Variants in ADK observed in about 807,000 individuals in gnomAD.
ADK encodes the protein N6,N6-dimethyladenosine kinase.
ADK carries 24 observed loss-of-function variants against 44.7 expected under a neutral mutation model. That is an observed-to-expected ratio of 0.54 (90% confidence interval 0.39 to 0.76). The LOEUF (loss-of-function observed/expected upper bound fraction) is 0.76. ADK is among the 30% of genes least tolerant of loss of function. The pLI, the probability that ADK is intolerant of heterozygous loss-of-function variation, is 0.00. For synonymous variants in ADK, 128 were observed against 142.6 expected (o/e 0.90, Z 0.73); for missense variants, 321 against 425.1 (o/e 0.76, Z 2.15).
At chr10:74,358,389 G>A (rs1842213719) in intron 4 of ADK, among the ~76,000 whole-genome samples, 1 of 152,104 alleles carries the variant, frequency 6.6e-6, no homozygotes, top group African/African-American at 2.4e-5. Context: ...TGTTGTCTGT[G>A]TCTAATACAA....
chr10:74,574,290 C>T (rs1851096740), intron 7 of ADK, among the ~76,000 whole-genome samples: 1 of 152,170 alleles, frequency 6.6e-6, no homozygotes, highest in East Asian at 1.9e-4. Flanking sequence ...CCTGCCTCAG[C>T]CTCCCAAGTA....
chr10:74,183,787 C>T (rs1842645155), intron 1 of ADK, among the ~76,000 whole-genome samples: 1 of 151,734 alleles, frequency 6.6e-6, no homozygotes, highest in Admixed American at 6.6e-5. Context: ...GGATTATAGG[C>T]ACAAGCCACC....
intron 8 of ADK, among the ~76,000 whole-genome samples, chr10:74,599,411 C>G (rs1255791103): frequency 2.0e-5 from 3 of 152,110 alleles, no homozygotes; most frequent in Non-Finnish European, 2.9e-5. Context: ...TAAATGTTCT[C>G]TCTCATATAT....
At chr10:74,450,196 C>T (rs1845726465) in intron 6 of ADK, among the ~76,000 whole-genome samples, 1 of 152,128 alleles carries the variant, frequency 6.6e-6, no homozygotes, top group South Asian at 2.1e-4. Context: ...TGCCTGTAGT[C>T]CTAGCTACTT....
chr10:74,502,629 TA>T (rs1224058593), intron 6 of ADK, among the ~76,000 whole-genome samples: 2 of 152,122 alleles, frequency 1.3e-5, no homozygotes, highest in Non-Finnish European at 2.9e-5. Flanking sequence ...ACTCACATTG[TA>T]AAAAAATTAT....
At chr10:74,187,318 G>T (rs1386946876) in intron 1 of ADK, among the ~76,000 whole-genome samples, 6 of 151,994 alleles carry the variant, frequency 3.9e-5, no homozygotes, top group African/African-American at 1.4e-4. Context: ...ATAGATATTT[G>T]GATTATTTTC....
At chr10:74,408,633 A>G (rs1844048039) in intron 6 of ADK, among the ~76,000 whole-genome samples, 1 of 152,236 alleles carries the variant, frequency 6.6e-6, no homozygotes, top group Admixed American at 6.5e-5. Flanking sequence ...TACTAATAGT[A>G]GTTAATTGGA....
At chr10:74,548,002 C>T (rs1391465611) in intron 7 of ADK, among the ~76,000 whole-genome samples, 1 of 151,346 alleles carries the variant, frequency 6.6e-6, no homozygotes, top group African/African-American at 2.4e-5. Flanking sequence ...TCATGTTGGC[C>T]ATGACGGTCT....
At chr10:74,380,275 A>G (rs2132001732) in intron 4 of ADK, among the ~76,000 whole-genome samples, 1 of 152,296 alleles carries the variant, frequency 6.6e-6, no homozygotes, top group Middle Eastern at 3.4e-3. Context: ...ATATCATTAG[A>G]TTGGATTGAC....
At chr10:74,178,570 T>A (rs1842428855) in intron 1 of ADK, among the ~76,000 whole-genome samples, 1 of 152,208 alleles carries the variant, frequency 6.6e-6, no homozygotes, top group Admixed American at 6.5e-5. Context: ...TGACCGTGCC[T>A]CATTGGAGAA....
chr10:74,285,502 G>C (rs926235549), intron 3 of ADK, among the ~76,000 whole-genome samples: 3 of 151,710 alleles, frequency 2.0e-5, no homozygotes, highest in African/African-American at 7.3e-5. Context: ...ATTAAACTAG[G>C]TTGTATTTTA....
At chr10:74,203,951 CTTTT>C (rs760810639) in intron 2 of ADK, among the ~76,000 whole-genome samples, 5 of 95,830 alleles carry the variant, frequency 5.2e-5, no homozygotes, top group East Asian at 3.0e-4. Context: ...TTATTTAGGT[CTTTT>C]TTTTTTTTTT....
At chr10:74,627,446 T>A (rs1853250398) in intron 9 of ADK, among the ~76,000 whole-genome samples, 1 of 151,990 alleles carries the variant, frequency 6.6e-6, no homozygotes, top group Admixed American at 6.6e-5. Context: ...TTGTGCACAC[T>A]CCAGCCTGGG....
At chr10:74,390,416 T>G (rs1294851694) in intron 4 of ADK, among the ~76,000 whole-genome samples, 1 of 152,164 alleles carries the variant, frequency 6.6e-6, no homozygotes, top group African/African-American at 2.4e-5. Flanking sequence ...CTTTTAATTT[T>G]GAACATTTTC....
chr10:74,238,045 G>A (rs1309990556), intron 3 of ADK, among the ~76,000 whole-genome samples: 1 of 152,138 alleles, frequency 6.6e-6, no homozygotes, highest in Non-Finnish European at 1.5e-5. Flanking sequence ...GGTGAGCCAA[G>A]ATTGCACCAT....
At chr10:74,628,622 C>T (rs1269965877) in intron 9 of ADK, among the ~76,000 whole-genome samples, 2 of 151,882 alleles carry the variant, frequency 1.3e-5, no homozygotes, top group East Asian at 3.9e-4. Context: ...TAATCTAACT[C>T]CAAAGGGGTA....
At chr10:74,427,123 TCC>T (rs369693532) in intron 6 of ADK, among the ~76,000 whole-genome samples, 4 of 152,316 alleles carry the variant, frequency 2.6e-5, no homozygotes, top group African/African-American at 9.6e-5. Flanking sequence ...CAACTATATG[TCC>T]TTAGCTTGGG....
chr10:74,264,221 C>T (rs1052339085), intron 3 of ADK, among the ~76,000 whole-genome samples: 1 of 152,202 alleles, frequency 6.6e-6, no homozygotes, highest in African/African-American at 2.4e-5. Flanking sequence ...TGGGCTTGCA[C>T]ATGTTGCACT....
At chr10:74,660,540 C>A (rs1013574213) in intron 9 of ADK, among the ~76,000 whole-genome samples, 1 of 149,172 alleles carries the variant, frequency 6.7e-6, no homozygotes, top group African/African-American at 2.5e-5. Flanking sequence ...GAGTTTGAGA[C>A]CAGCCTGGGC....
Sources: gnomAD v4.1 joint callset for allele counts (sites outside exome capture counted in the v4.1 genomes callset) on GRCh38, gnomAD v4.1.1 for gene constraint, MANE v1.5 for transcripts, NCBI Gene and HGNC (gene_info 2026-07-23, HGNC 2026-07-21) for gene names.